The following PCMTD2 variants were observed in gnomAD, a reference collection of about 807,000 sequenced individuals.
The protein encoded by PCMTD2 is protein-L-isoaspartate (D-aspartate) O-methyltransferase domain containing 2.
Under a neutral mutation model 33.4 loss-of-function variants are expected in PCMTD2, and 16 were observed. The observed-to-expected ratio is 0.48, with a 90% CI of 0.32 to 0.73. The LOEUF (loss-of-function observed/expected upper bound fraction) is 0.73. Among genes scored for constraint, PCMTD2 ranks in the 30% least tolerant of loss-of-function variants. The probability of loss-of-function intolerance (pLI) is 0.03; values close to 1 mark genes in which losing one functional copy is unlikely to be tolerated. For missense variants in PCMTD2, 374 were observed against 449.9 expected, an observed-to-expected ratio of 0.83 and a Z score of 1.53; for synonymous variants, 161 against 160.8, an observed-to-expected ratio of 1.00 and a Z score of -0.01.
At chr20:64,270,695 G>A (rs1013641175) in intron 5 of PCMTD2, among the ~76,000 whole-genome samples, 2 of 152,230 alleles carry the variant, frequency 1.3e-5, no homozygotes, top group Admixed American at 6.5e-5. Context: ...GGCTGCTACA[G>A]TGGAGAAGAT....
rs758186509 is a variant in PCMTD2, at chr20:64,265,390, C to A, written c.543C>A (p.Leu181=). The change falls in exon 4 of 6, where the codon CTC becomes CTA. Residue 181 remains leucine (L), a synonymous_variant. Transcript: ENST00000308824. Reference sequence around the variant, plus strand: ...ATGAAGAGTACATGAAGAATCTTCTCAAAGTGGGAGGGATCCTTGTCATGC... The same window carrying A: ...ATGAAGAGTACATGAAGAATCTTCTAAAAGTGGGAGGGATCCTTGTCATGC... ...KEHEEYMKNL[L]KVGGILVMPL... 1.2e-6 allele frequency: 2 copies of A among 1,613,206 alleles called. No homozygotes were observed. The highest frequency in any genetic ancestry group is 8.5e-7 in the Non-Finnish European group (1 of 1,179,586).
At chr20:64,256,209 C>T (rs1332877790) in intron 1 of PCMTD2, among the ~76,000 whole-genome samples, 2 of 152,224 alleles carry the variant, frequency 1.3e-5, no homozygotes, top group Admixed American at 1.3e-4. Flanking sequence ...AAGCCAAGAG[C>T]TAAGGTTTAG....
intron 1 of PCMTD2, chr20:64,256,490 C>G (rs183389002): frequency 7.2e-5 from 11 of 152,324 alleles, no homozygotes; most frequent in Non-Finnish European, 1.2e-4. Context: ...TATCCACGCC[C>G]TCTTTATCCA....
At chr20:64,257,226 A>G (rs1985205966) in intron 1 of PCMTD2, among the ~76,000 whole-genome samples, 1 of 152,170 alleles carries the variant, frequency 6.6e-6, no homozygotes, top group African/African-American at 2.4e-5. Context: ...CCCCACTACC[A>G]TAGCTTCATG....
rs992088314 is a variant in PCMTD2 at position 64,276,024 on chromosome 20, C to T, written c.*2424C>T. On this transcript the variant is annotated 3_prime_UTR_variant, in exon 6 of 6. Coordinates refer to ENST00000308824, the MANE Select transcript of PCMTD2 (RefSeq NM_018257.3). ...ATAAAGGTAGTCAGGATATTTTATC[C>T]TTAGCATTGCTTCTGCATCCTGTGT... The T allele has an allele frequency of 6.6e-6, 1 of 152,132 alleles. No homozygotes were observed. Among genetic ancestry groups the T allele is most frequent in the Non-Finnish European group, 1.5e-5 (1 of 68,008 alleles). The allele number at this position is 152,132 out of a possible 1,614,324, so 9.4% of individuals were successfully genotyped here. A position where few individuals can be genotyped will look rare whatever the true frequency, so the allele number is the denominator to read the frequency against.
chr20:64,265,411 C>T lies in PCMTD2; in HGVS notation c.564C>T (p.Val188=). 1 of 1,610,846 alleles carries T rather than the reference C, an allele frequency of 6.2e-7. No individual in the cohort carries two copies. The highest frequency in any genetic ancestry group is 1.1e-5 in the South Asian group (1 of 90,502). Residue 188 remains valine, a synonymous_variant, in exon 4 of 6, where the codon GTC becomes GTT. Transcript: ENST00000308824. The part of the protein sequence containing the change: ...KNLLKVGGIL[V]MPLEEKLTKI... ...TTCTCAAAGTGGGAGGGATCCTTGTCATGCCACTGGAAGAGAAGGTCAGAT... is the reference window on the plus strand; with the variant it reads ...TTCTCAAAGTGGGAGGGATCCTTGTTATGCCACTGGAAGAGAAGGTCAGAT...
chr20:64,267,212 G>T (rs1344794141), intron 4 of PCMTD2, among the ~76,000 whole-genome samples: 1 of 152,296 alleles, frequency 6.6e-6, no homozygotes, highest in South Asian at 2.1e-4. Flanking sequence ...TCTGGTGCTC[G>T]TAATACTTTA....
At chr20:64,259,727 G>A in intron 1 of PCMTD2, 1 of 548,994 alleles carries the variant, frequency 1.8e-6, no homozygotes, top group Admixed American at 3.5e-5. Flanking sequence ...ATAACTTTTA[G>A]TATTGTTGTT....
chr20:64,269,083 C>T lies in PCMTD2; in HGVS notation c.706+1073C>T, dbSNP rs372407242. The stretch of plus-strand genomic sequence containing the variant: ...GAGTTGGGACTGATGGGAGAAACTA[C>T]TGGTATGTAGGTTAGAATTGGGTTT... On this transcript the variant is annotated intron_variant, in intron 5 of 5. Transcript: ENST00000308824. 2.8e-4 allele frequency among the ~76,000 whole-genome samples: 43 copies of T among 152,244 alleles called. No homozygotes were observed. The East Asian group carries it at 6.0e-3, about 21-fold the overall frequency.
Position 64,275,960 on chromosome 20 carries a change from A to G in PCMTD2, c.*2360A>G, listed in dbSNP as rs1986080439. On this transcript the variant is annotated 3_prime_UTR_variant, in exon 6 of 6. Coordinates refer to ENST00000308824, the MANE Select transcript of PCMTD2 (RefSeq NM_018257.3). ...CTTGGGAAAATCCAGGGAATTTGAA[A>G]CATAGATTTTAATGAGCTGGTAAAC... 1 of 152,234 alleles carries G rather than the reference A, an allele frequency of 6.6e-6. No individual in the cohort carries two copies. The highest frequency in any genetic ancestry group is 6.5e-5 in the Admixed American group (1 of 15,290). The allele number at this position is 152,234 out of a possible 1,614,324, so 9.4% of individuals were successfully genotyped here. A position where few individuals can be genotyped will look rare whatever the true frequency, so the allele number is the denominator to read the frequency against.
intron 1 of PCMTD2, chr20:64,256,736 C>G (rs1199400064): frequency 6.6e-6 from 1 of 152,244 alleles, no homozygotes; most frequent in Non-Finnish European, 1.5e-5. Context: ...CTGCGCCACC[C>G]CAGCTCGTAC....
chr20:64,269,212 A>G (rs1985783227), intron 5 of PCMTD2, among the ~76,000 whole-genome samples: 1 of 152,212 alleles, frequency 6.6e-6, no homozygotes, highest in Non-Finnish European at 1.5e-5. Context: ...TGAATCTGTC[A>G]AATGCGTGCT....
intron 5 of PCMTD2, chr20:64,272,298 G>A (rs113104291): frequency 3.8e-4 from 125 of 326,750 alleles, no homozygotes; most frequent in African/African-American, 2.9e-3. Flanking sequence ...TGGAGAAGTT[G>A]AGTACTGGAG....
At chr20:64,271,967 TGAG>T in intron 5 of PCMTD2, 1 of 317,538 alleles carries the variant, frequency 3.1e-6, no homozygotes, top group Non-Finnish European at 6.4e-6. Context: ...TGGCTGTACT[TGAG>T]GAGGGAGCCG....
chr20:64,269,771 G>C (rs1427760061), intron 5 of PCMTD2, among the ~76,000 whole-genome samples: 1 of 150,794 alleles, frequency 6.6e-6, no homozygotes, highest in Non-Finnish European at 1.5e-5. Context: ...CATTTGCAGT[G>C]TGGGGTAATG....
intron 2 of PCMTD2, among the ~76,000 whole-genome samples, chr20:64,263,602 T>C (rs1985524318): frequency 6.6e-6 from 1 of 152,216 alleles, no homozygotes; most frequent in Non-Finnish European, 1.5e-5. Flanking sequence ...TGAACAAGTG[T>C]GAAGTGTGAA....
chr20:64,260,033 A>G lies in PCMTD2; in HGVS notation c.68A>G (p.Tyr23Cys). The G allele has an allele frequency of 6.2e-7, 1 of 1,610,412 alleles. No homozygotes were observed. The highest frequency in any genetic ancestry group is 8.5e-7 in the Non-Finnish European group (1 of 1,176,562). Residue 23 changes from tyrosine to cysteine, a missense_variant, in exon 2 of 6, where the codon TAT becomes TGT. By Grantham distance (194) the Tyr-to-Cys change is radical. Coordinates refer to ENST00000308824, the MANE Select transcript of PCMTD2 (RefSeq NM_018257.3). ...ELIDNLKEAQ[Y>C]IRTELVEQAF... ...ATAGATAATTTGAAAGAAGCACAGT[A>G]TATCCGGACTGAGCTGGTAGAGCAG...
intron 5 of PCMTD2, chr20:64,271,965 C>A: frequency 3.1e-6 from 1 of 317,514 alleles, no homozygotes; most frequent in Non-Finnish European, 6.4e-6. Flanking sequence ...GATGGCTGTA[C>A]TTGAGGAGGG....
chr20:64,259,750 C>T (rs1985321496), intron 1 of PCMTD2, 192 bp from the exon 2 acceptor site: 1 of 552,882 alleles, frequency 1.8e-6, no homozygotes, highest in East Asian at 3.0e-5. Flanking sequence ...CCTTAATTTC[C>T]AATTGAACTG....
Sources: gnomAD v4.1 joint callset for allele counts (sites outside exome capture counted in the v4.1 genomes callset) on GRCh38, gnomAD v4.1.1 for gene constraint, MANE v1.5 for transcripts, NCBI Gene and HGNC (gene_info 2026-07-23, HGNC 2026-07-21) for gene names.